Variants in TAF1 observed in about 807,000 individuals in gnomAD.
TAF1 encodes transcription initiation factor TFIID subunit 1.
TAF1 carries 2 observed loss-of-function variants against 138.5 expected under a neutral mutation model. The ratio of observed to expected loss-of-function variants is 0.01; its 90% CI spans 0.01 to 0.05. The LOEUF is 0.05. TAF1 is among the 10% of genes least tolerant of loss of function. The pLI is 1.00. For synonymous variants in TAF1, 437 were observed against 503.2 expected, an observed-to-expected ratio of 0.87 and a Z score of 1.76; for missense variants, 709 against 1,478.0, an observed-to-expected ratio of 0.48 and a Z score of 8.53.
chrX:71,413,948 A>C (rs1291523053), intron 28 of TAF1: 1 of 111,139 alleles, frequency 9.0e-6, no homozygotes, highest in Non-Finnish European at 1.9e-5. Context: ...TTGCCCATCC[A>C]CGGATGTCTG....
rs1349329807 is a variant in TAF1, at chrX:71,494,721, G to A, written c.1367-33821G>A. 5.4e-5 allele frequency among the ~76,000 whole-genome samples: 6 copies of A among 112,082 alleles called. No homozygotes were observed. In the South Asian group the frequency reaches 1.5e-3, roughly 28 times the overall value. On this transcript the variant is annotated intron_variant and NMD_transcript_variant, in intron 13 of 14. Coordinates refer to the TAF1 transcript ENST00000373775. Reference sequence around the variant, plus strand: ...TCACCAACTTCAAGAATGAAGCCGCGGACTTTCACGGTGAGTGTTACAGCT... The same window carrying A: ...TCACCAACTTCAAGAATGAAGCCGCAGACTTTCACGGTGAGTGTTACAGCT...
chrX:71,402,066 T>C (rs771888062), intron 25 of TAF1, among the ~76,000 whole-genome samples: 27 of 111,755 alleles, frequency 2.4e-4, no homozygotes, highest in Non-Finnish European at 4.5e-4. Context: ...TAGATGTCAG[T>C]TATCTCTTCT....
intron 13 of TAF1, among the ~76,000 whole-genome samples, chrX:71,474,290 T>G (rs913029137): frequency 1.8e-5 from 2 of 111,775 alleles, no homozygotes; most frequent in African/African-American, 3.2e-5. Flanking sequence ...TTTAGTTTGG[T>G]CGCAGAGAGA....
At chrX:71,510,467 A>G (rs745345277) in intron 13 of TAF1, among the ~76,000 whole-genome samples, 3 of 112,190 alleles carry the variant, frequency 2.7e-5, no homozygotes, top group Non-Finnish European at 5.6e-5. Flanking sequence ...CATAACATGG[A>G]CATTCTTCCA....
intron 13 of TAF1, among the ~76,000 whole-genome samples, chrX:71,485,761 A>G (rs2039158546): frequency 9.0e-6 from 1 of 111,154 alleles, no homozygotes; most frequent in Non-Finnish European, 1.9e-5. Flanking sequence ...CTTATCAGAT[A>G]TATGATTTGC....
intron 15 of TAF1, 136 bp downstream of exon 15, chrX:71,387,597 G>A: frequency 7.1e-6 from 5 of 700,205 alleles, no homozygotes; most frequent in Non-Finnish European, 1.1e-5. Flanking sequence ...TCAGGAGTTC[G>A]AGACCAGCCT....
At chrX:71,431,468 C>G (rs1045808524) in intron 32 of TAF1, among the ~76,000 whole-genome samples, 1 of 110,652 alleles carries the variant, frequency 9.0e-6, no homozygotes, top group Non-Finnish European at 1.9e-5. Context: ...TCCTTGAACC[C>G]TCTGATGTTG....
rs1262187867 is a variant in TAF1 at position 71,398,573 on chromosome X, C to A, written c.3622C>A (p.Arg1208=). ...IRTTKDEEFI[R]KFALFDEQHR... is the part of the protein sequence containing the mutation. ...TCCTCTGCTGCTCACACTGTTCAGT[C>A]GAAAATTTGCCCTTTTTGATGAACA... The change falls in exon 24 of 38, where the codon CGA becomes AGA. Residue 1208 remains arginine, a splice_region_variant and synonymous_variant. Transcript: ENST00000423759. The A allele has an allele frequency of 8.3e-7, 1 of 1,210,165 alleles. No individual in the cohort carries two copies. The highest frequency in any genetic ancestry group is 1.1e-6 in the Non-Finnish European group (1 of 895,051).
In TAF1 at chrX:71,429,686, CAG is replaced by C. The variant is rs757079833; in HGVS notation, c.4753+5452_4753+5453del. Among the ~76,000 whole-genome samples the C allele has an allele frequency of 3.3e-3, 372 of 111,398 alleles. 1 individual carries two copies. The highest frequency in any genetic ancestry group is 0.01 in the South Asian group (27 of 2,642). ...AATGGATTGGAGGAGGAGAATAAGACAGAGACCGGTAAAGAAACTATTGACAG... is the reference window on the plus strand; with the variant it reads ...AATGGATTGGAGGAGGAGAATAAGACAGACCGGTAAAGAAACTATTGACAG... On this transcript the variant is annotated intron_variant, in intron 32 of 37. Transcript: ENST00000423759.
chrX:71,389,529 CTTGTGCT>C (rs2034436911), intron 17 of TAF1, 49 bp from the exon 18 acceptor site: 2 of 1,008,401 alleles, frequency 2.0e-6, no homozygotes, highest in Non-Finnish European at 2.7e-6. Context: ...AAAAAAAAAA[CTTGTGCT>C]TTGTGTTTTT....
In TAF1 at chrX:71,375,772, A is replaced by C. The variant is rs1178553480; in HGVS notation, c.472+486A>C. The stretch of plus-strand genomic sequence containing the variant: ...CTCAGCCTCCAGAGTAGGGGCTGGA[A>C]CTCCTGACCTCAAGTGATCCGCTCG... On this transcript the variant is annotated intron_variant, in intron 4 of 37. Transcript: ENST00000423759. Among the ~76,000 whole-genome samples the C allele has an allele frequency of 2.7e-5, 3 of 111,880 alleles. No individual in the cohort carries two copies. The East Asian group carries it at 8.4e-4, about 31-fold the overall frequency.
intron 32 of TAF1, among the ~76,000 whole-genome samples, chrX:71,434,360 TTAG>T (rs1455040951): frequency 8.9e-6 from 1 of 112,566 alleles, no homozygotes; most frequent in African/African-American, 3.2e-5. Flanking sequence ...TTAATCTAAA[TTAG>T]TAGAATGATA....
At chrX:71,448,882 G>A (rs1240290207) in intron 32 of TAF1, among the ~76,000 whole-genome samples, 2 of 105,671 alleles carry the variant, frequency 1.9e-5, no homozygotes, top group East Asian at 6.0e-4. Flanking sequence ...ACAATGGTGT[G>A]ATCTCGGCTC....
chrX:71,513,821 A>C (rs1198841341), intron 13 of TAF1, among the ~76,000 whole-genome samples: 1 of 111,291 alleles, frequency 9.0e-6, no homozygotes, highest in African/African-American at 3.3e-5. Context: ...GAACTCTTCT[A>C]TCTAGCTAAA....
At position 71,510,274 on chromosome X, in the gene TAF1, G is replaced by A. The variant is rs187433111; in HGVS notation, c.1367-18268G>A. ...TGCCTCAAACCATTGCAGAAGTGGC[G>A]GGATGATATAGATGCCCCCACTGCT... On this transcript the variant is annotated intron_variant and NMD_transcript_variant, in intron 13 of 14. Coordinates refer to the TAF1 transcript ENST00000373775. 9.2e-4 allele frequency among the ~76,000 whole-genome samples: 102 copies of A among 110,599 alleles called. 1 individual carries two copies. The highest frequency in any genetic ancestry group is 3.3e-3 in the African/African-American group (101 of 30,447).
chrX:71,483,151 C>CTTTT (rs35875629), intron 13 of TAF1, among the ~76,000 whole-genome samples: 20 of 74,930 alleles, frequency 2.7e-4, no homozygotes, highest in East Asian at 4.6e-4. Context: ...TTTTTCTTTT[C>CTTTT]TTTTTTTTTT....
intron 13 of TAF1, among the ~76,000 whole-genome samples, chrX:71,527,175 T>A (rs750635194): frequency 5.5e-5 from 6 of 109,052 alleles, no homozygotes; most frequent in African/African-American, 2.0e-4. Flanking sequence ...CACCTGAGGT[T>A]AGGACTTTGA....
At chrX:71,483,778 CTCTATA>C (rs1254455784) in intron 13 of TAF1, among the ~76,000 whole-genome samples, 2 of 54,150 alleles carry the variant, frequency 3.7e-5, no homozygotes, top group African/African-American at 1.6e-4. Flanking sequence ...CTCTCTCTCT[CTCTATA>C]TATATATATA....
At chrX:71,374,904 G>A (rs1385749988) in intron 3 of TAF1, among the ~76,000 whole-genome samples, 1 of 108,505 alleles carries the variant, frequency 9.2e-6, no homozygotes, top group African/African-American at 3.3e-5. Context: ...GACCGACATG[G>A]AGAAACCCCG....
Sources: gnomAD v4.1 joint callset for allele counts (sites outside exome capture counted in the v4.1 genomes callset) on GRCh38, gnomAD v4.1.1 for gene constraint, MANE v1.5 for transcripts, NCBI Gene and HGNC (gene_info 2026-07-23, HGNC 2026-07-21) for gene names.